The following GLIS3 variants were observed in gnomAD, a reference collection of about 807,000 sequenced individuals.
GLIS3 encodes GLIS family zinc finger 3.
GLIS3 carries 53 observed loss-of-function variants against 78.6 expected under a neutral mutation model. That is an observed-to-expected ratio of 0.67 (90% confidence interval 0.54 to 0.85). GLIS3 has a LOEUF of 0.85. Among genes scored for constraint, GLIS3 ranks in the 40% least tolerant of loss-of-function variants. The probability of loss-of-function intolerance (pLI) is 0.00; values close to 1 mark genes in which losing one functional copy is unlikely to be tolerated. For missense variants in GLIS3, 1,703 were observed against 1,231.1 expected (o/e 1.38, Z -5.74); for synonymous variants, 684 against 509.9 (o/e 1.34, Z -4.60).
At chr9:3,982,142 T>C (rs1004870899) in intron 4 of GLIS3, among the ~76,000 whole-genome samples, 1 of 152,172 alleles carries the variant, frequency 6.6e-6, no homozygotes. Context: ...GAAAAGAACA[T>C]GACATTCTCA....
chr9:4,129,969 G>T (rs186021829), intron 2 of GLIS3, among the ~76,000 whole-genome samples: 1 of 152,190 alleles, frequency 6.6e-6, no homozygotes, highest in African/African-American at 2.4e-5. Context: ...TGGAGATGAG[G>T]AACTTGTTGG....
chr9:4,329,043 T>A (rs530923296), intron 2 of GLIS3, among the ~76,000 whole-genome samples: 2 of 152,182 alleles, frequency 1.3e-5, no homozygotes, highest in Non-Finnish European at 2.9e-5. Flanking sequence ...GTCTCTCAAA[T>A]CTTGCCTGCT....
At chr9:4,090,023 G>A (rs146808259) in intron 4 of GLIS3, among the ~76,000 whole-genome samples, 49 of 152,302 alleles carry the variant, frequency 3.2e-4, no homozygotes, top group African/African-American at 1.1e-3. Flanking sequence ...GCTCCCTTCT[G>A]CCCTGTGTCA....
chr9:4,058,438 T>C (rs1826327485), intron 4 of GLIS3, among the ~76,000 whole-genome samples: 1 of 141,344 alleles, frequency 7.1e-6, no homozygotes, highest in South Asian at 2.3e-4. Context: ...ACATATTTCC[T>C]TTCCCCTATT....
chr9:4,321,905 T>G (rs1316347675), intron 2 of GLIS3, among the ~76,000 whole-genome samples: 3 of 152,084 alleles, frequency 2.0e-5, no homozygotes, highest in Non-Finnish European at 4.4e-5. Flanking sequence ...ATGCTTTAAT[T>G]TCTGGGGTAC....
At chr9:4,424,758 C>T in the GLIS3 span, among the ~76,000 whole-genome samples, 6 of 151,890 alleles carry the variant, frequency 4.0e-5, no homozygotes, top group East Asian at 1.9e-4. Context: ...ATTGTAGAGA[C>T]GGGATTTTGC....
the GLIS3 span, among the ~76,000 whole-genome samples, chr9:4,356,816 C>A: frequency 6.6e-6 from 1 of 152,214 alleles, no homozygotes; most frequent in East Asian, 1.9e-4. Flanking sequence ...GATTACAAAG[C>A]CTTTTGGATG....
the GLIS3 span, among the ~76,000 whole-genome samples, chr9:4,416,252 TA>T: frequency 1.5e-3 from 111 of 75,838 alleles, no homozygotes; most frequent in Middle Eastern, 0.013. Flanking sequence ...ACACTGTTTT[TA>T]AAAAAAAAAA....
chr9:4,330,950 T>G (rs983435868), intron 2 of GLIS3, among the ~76,000 whole-genome samples: 2 of 152,196 alleles, frequency 1.3e-5, no homozygotes, highest in African/African-American at 4.8e-5. Context: ...GTGCTTCACT[T>G]TGCTGTGTGG....
intron 4 of GLIS3, among the ~76,000 whole-genome samples, chr9:4,011,317 G>C (rs779303833): frequency 6.6e-5 from 10 of 152,222 alleles, no homozygotes; most frequent in Non-Finnish European, 1.2e-4. Flanking sequence ...GGGTGAGTAA[G>C]AAGCAGAGTC....
At chr9:3,937,402 A>C (rs956424105) in intron 4 of GLIS3, among the ~76,000 whole-genome samples, 1 of 152,234 alleles carries the variant, frequency 6.6e-6, no homozygotes, top group African/African-American at 2.4e-5. Context: ...TTTCTGTATC[A>C]GATTTGGGTC....
intron 4 of GLIS3, among the ~76,000 whole-genome samples, chr9:4,078,873 G>A (rs1420346535): frequency 2.0e-5 from 3 of 152,164 alleles, no homozygotes; most frequent in Non-Finnish European, 4.4e-5. Context: ...AATAAGAGAA[G>A]TCTGTGCTTT....
At chr9:4,085,947 C>T (rs7020642) in intron 4 of GLIS3, among the ~76,000 whole-genome samples, 67,963 of 151,940 alleles carry the variant, frequency 0.45, 15,155 homozygotes, top group African/African-American at 0.47. Context: ...TTACCCAGTC[C>T]TGGGTATTTC....
At chr9:4,222,321 A>T (rs969892842) in intron 2 of GLIS3, among the ~76,000 whole-genome samples, 1 of 152,150 alleles carries the variant, frequency 6.6e-6, no homozygotes, top group Non-Finnish European at 1.5e-5. Context: ...TCCTCCCACT[A>T]CCTGCTTATT....
chr9:4,131,066 G>A (rs187676314), intron 2 of GLIS3, among the ~76,000 whole-genome samples: 3 of 152,194 alleles, frequency 2.0e-5, no homozygotes, highest in Non-Finnish European at 2.9e-5. Flanking sequence ...CTGCCCTAGG[G>A]GGGGTTGGGG....
the GLIS3 span, among the ~76,000 whole-genome samples, chr9:4,427,986 C>T: frequency 1.3e-5 from 2 of 151,098 alleles, no homozygotes; most frequent in Non-Finnish European, 3.0e-5. Context: ...AAATCCTGAA[C>T]AAAATATAGA....
At chr9:3,951,447 AAGC>A (rs1816671841) in intron 4 of GLIS3, among the ~76,000 whole-genome samples, 1 of 152,098 alleles carries the variant, frequency 6.6e-6, no homozygotes, top group South Asian at 2.1e-4. Context: ...AACAAAATGA[AAGC>A]AGGGAGTGCT....
chr9:4,123,686 T>C (rs1564084971), intron 3 of GLIS3: 2 of 395,124 alleles, frequency 5.1e-6, no homozygotes, highest in Admixed American at 4.4e-5. Context: ...TGTAGATTAC[T>C]AGATCAATTT....
At chr9:4,437,460 C>G in the GLIS3 span, among the ~76,000 whole-genome samples, 7 of 104,660 alleles carry the variant, frequency 6.7e-5, no homozygotes, top group East Asian at 1.5e-3. Context: ...ATCTATCTAT[C>G]TATCTATCTA....
Sources: allele counts gnomAD v4.1 joint callset (sites outside exome capture counted in the v4.1 genomes callset), GRCh38; gene constraint gnomAD v4.1.1; transcripts MANE v1.5; gene names NCBI Gene and HGNC (gene_info 2026-07-23, HGNC 2026-07-21).